NRTN: variants seen among roughly 807,000 people sequenced by gnomAD.
The protein encoded by NRTN is neurturin, also known as prepro-neurturin.
In NRTN, 3 loss-of-function variants were observed where a neutral mutation model predicts 7.5. That is an observed-to-expected ratio of 0.40 (90% CI 0.18 to 1.03). The LOEUF (loss-of-function observed/expected upper bound fraction) is 1.03, where lower values mean the gene tolerates loss of function less well. Ranked by LOEUF, NRTN falls within the 50% of genes least tolerant of loss-of-function variation. NRTN has a pLI of 0.34. For missense variants in NRTN, 310 were observed against 307.0 expected (o/e 1.01, Z -0.07); for synonymous variants, 157 against 146.6 (o/e 1.07, Z -0.51).
intron 1 of NRTN, among the ~76,000 whole-genome samples, chr19:5,817,596 G>A (rs2057009644): frequency 6.8e-6 from 1 of 146,942 alleles, no homozygotes; most frequent in African/African-American, 2.5e-5. Flanking sequence ...AAGAGAGGAA[G>A]GAAGGGAGGG....
intron 1 of NRTN, among the ~76,000 whole-genome samples, chr19:5,810,186 G>C (rs1402856421): frequency 6.7e-6 from 1 of 148,470 alleles, no homozygotes; most frequent in Non-Finnish European, 1.5e-5. Context: ...AGAATGGCGT[G>C]AACCCGGAAG....
At chr19:5,809,736 T>C (rs1568395908) in intron 1 of NRTN, among the ~76,000 whole-genome samples, 1 of 152,126 alleles carries the variant, frequency 6.6e-6, no homozygotes, top group East Asian at 1.9e-4. Context: ...GGCCTTTTAC[T>C]GGCTGGATCT....
chr19:5,823,191 C>T (rs370835313), intron 1 of NRTN, among the ~76,000 whole-genome samples: 11 of 151,946 alleles, frequency 7.2e-5, no homozygotes, highest in African/African-American at 1.4e-4. Context: ...CCAAGGTGGG[C>T]GGATCACTTG....
chr19:5,817,631 AGGC>A (rs1231457009), intron 1 of NRTN, among the ~76,000 whole-genome samples: 4 of 22,478 alleles, frequency 1.8e-4, no homozygotes, highest in Non-Finnish European at 3.3e-4. Flanking sequence ...AAAAAGAAGA[AGGC>A]AGGCAGGCAG....
intron 1 of NRTN, among the ~76,000 whole-genome samples, chr19:5,816,951 T>C (rs1265396252): frequency 6.6e-6 from 1 of 152,204 alleles, no homozygotes; most frequent in Non-Finnish European, 1.5e-5. Flanking sequence ...AGTGGATTCA[T>C]GCGGTGGTGT....
At chr19:5,825,702 A>G (rs928394016) in intron 2 of NRTN, among the ~76,000 whole-genome samples, 9 of 152,336 alleles carry the variant, frequency 5.9e-5, no homozygotes, top group Admixed American at 4.6e-4. Context: ...GCCCTACTGC[A>G]AAAAGCGAGT....
At chr19:5,807,811 A>G (rs1291158642) in intron 1 of NRTN, among the ~76,000 whole-genome samples, 1 of 152,260 alleles carries the variant, frequency 6.6e-6, no homozygotes, top group Non-Finnish European at 1.5e-5. Context: ...GGCCAGGTGC[A>G]GTGGCTCATG....
At chr19:5,811,476 A>G (rs1334873525) in intron 1 of NRTN, among the ~76,000 whole-genome samples, 2 of 152,182 alleles carry the variant, frequency 1.3e-5, no homozygotes, top group African/African-American at 4.8e-5. Context: ...AAGTTACTAC[A>G]TGTAAAGTGC....
At chr19:5,813,160 A>G (rs2056995286) in intron 1 of NRTN, among the ~76,000 whole-genome samples, 1 of 151,936 alleles carries the variant, frequency 6.6e-6, no homozygotes, top group African/African-American at 2.4e-5. Context: ...GGATCGCTTG[A>G]GGCCAGGAGT....
chr19:5,816,142 C>T (rs1326453781), intron 1 of NRTN, among the ~76,000 whole-genome samples: 1 of 152,070 alleles, frequency 6.6e-6, no homozygotes, highest in African/African-American at 2.4e-5. Context: ...CTCAGGCGAA[C>T]TCCCCGCCTC....
Position 5,828,219 on chromosome 19 carries a change from C to A in NRTN, c.*46C>A. ...GCGGCGGCCACTCCCCCCGCCTCGA[C>A]GGCACCACTGGCCGGCCCCGCGAAA... On this transcript the variant is annotated 3_prime_UTR_variant, in exon 3 of 3. Transcript: ENST00000303212. 6.6e-7 allele frequency: 1 copy of A among 1,524,188 alleles called. No homozygotes were observed. Among genetic ancestry groups the A allele is most frequent in the Non-Finnish European group, 8.8e-7 (1 of 1,141,016 alleles). The allele number at this position is 1,524,188 out of a possible 1,614,324, so 94.4% of individuals were successfully genotyped here. A position where few individuals can be genotyped will look rare whatever the true frequency, so the allele number is the denominator to read the frequency against.
intron 1 of NRTN, among the ~76,000 whole-genome samples, chr19:5,810,726 C>G (rs1297228796): frequency 6.6e-6 from 1 of 151,500 alleles, no homozygotes; most frequent in Non-Finnish European, 1.5e-5. Context: ...GAGGTCAGAT[C>G]AAGACCACCC....
intron 1 of NRTN, among the ~76,000 whole-genome samples, chr19:5,810,678 A>G (rs1261462331): frequency 1.3e-5 from 2 of 152,102 alleles, no homozygotes; most frequent in Non-Finnish European, 2.9e-5. Context: ...TCGTGCCTGT[A>G]ATCCCAGCAC....
intron 1 of NRTN, among the ~76,000 whole-genome samples, chr19:5,821,180 G>T (rs2057023343): frequency 6.6e-6 from 1 of 151,606 alleles, no homozygotes; most frequent in African/African-American, 2.4e-5. Context: ...TAAGCCCAGA[G>T]ACTTCAACTG....
rs771047097 is a variant in NRTN at position 5,828,052 on chromosome 19, G to A, written c.473G>A (p.Arg158Gln). 4 of 1,423,252 alleles carry A rather than the reference G, an allele frequency of 2.8e-6. No homozygotes were observed. The highest frequency in any genetic ancestry group is 3.0e-5 in the Admixed American group (1 of 33,108). The allele number at this position is 1,423,252 out of a possible 1,614,324, so 88.2% of individuals were successfully genotyped here. A position where few individuals can be genotyped will look rare whatever the true frequency, so the allele number is the denominator to read the frequency against. The change falls in exon 3 of 3, where the codon CGG becomes CAG. Residue 158 changes from arginine (R) to glutamine (Q), a missense_variant. Arg to Gln is a conservative substitution (Grantham distance 43). Transcript: ENST00000303212. ...LRQRRRLRRE[R>Q]VRAQPCCRPT... Reference sequence around the variant, plus strand: ...CAGCGGCGGCGCCTGCGGCGGGAGCGGGTGCGCGCGCAGCCCTGCTGCCGC... The same window carrying A: ...CAGCGGCGGCGCCTGCGGCGGGAGCAGGTGCGCGCGCAGCCCTGCTGCCGC...
In NRTN at chr19:5,818,346, TGA is replaced by T. The variant is rs1347838532; in HGVS notation, c.-398-5420_-398-5419del. Reference sequence around the variant, plus strand: ...AGTGTGATCGTGTGTGGGCAGTGTGTGAGTGTGTGAGTGTGTGTATACGAGTA... The same window carrying T: ...AGTGTGATCGTGTGTGGGCAGTGTGTGTGTGTGAGTGTGTGTATACGAGTA... On this transcript the variant is annotated intron_variant, in intron 1 of 2. Coordinates refer to ENST00000303212, the MANE Select transcript of NRTN (RefSeq NM_004558.5). Among the ~76,000 whole-genome samples, 10 of 151,812 alleles carry T rather than the reference TGA, an allele frequency of 6.6e-5. No homozygotes were observed. The South Asian group carries it at 1.3e-3, about 19-fold the overall frequency.
chr19:5,811,850 CCAGT>C (rs2056991562), intron 1 of NRTN, among the ~76,000 whole-genome samples: 1 of 150,798 alleles, frequency 6.6e-6, no homozygotes, highest in Non-Finnish European at 1.5e-5. Context: ...CGCACCCGGC[CCAGT>C]TATTATTATT....
At chr19:5,825,006 G>C (rs1295959114) in intron 2 of NRTN, among the ~76,000 whole-genome samples, 1 of 152,120 alleles carries the variant, frequency 6.6e-6, no homozygotes, top group Non-Finnish European at 1.5e-5. Context: ...AGGGGGGGCG[G>C]TGGGAGGAGA....
intron 1 of NRTN, among the ~76,000 whole-genome samples, chr19:5,813,934 A>G (rs73552423): frequency 0.046 from 6,932 of 152,032 alleles, 530 homozygotes; most frequent in African/African-American, 0.16. Flanking sequence ...CTTGAACCTG[A>G]GAAGCAGAGG....
Sources: allele counts gnomAD v4.1 joint callset (sites outside exome capture counted in the v4.1 genomes callset), GRCh38; gene constraint gnomAD v4.1.1; transcripts MANE v1.5; gene names NCBI Gene and HGNC (gene_info 2026-07-23, HGNC 2026-07-21).